The following CFAP54 variants were observed in gnomAD, a reference collection of about 807,000 sequenced individuals.
CFAP54 encodes the protein cilia- and flagella-associated protein 54.
Under a neutral mutation model 370.4 loss-of-function variants are expected in CFAP54, and 290 were observed. The observed-to-expected ratio is 0.78, with a 90% CI of 0.71 to 0.86. The LOEUF is 0.86. CFAP54 is among the 40% of genes least tolerant of loss of function. The pLI, the probability that CFAP54 is intolerant of heterozygous loss-of-function variation, is 0.00. For synonymous variants in CFAP54, 1,206 were observed against 1,236.5 expected (o/e 0.98, Z 0.52); for missense variants, 3,399 against 3,528.7 (o/e 0.96, Z 0.93).
intron 39 of CFAP54, among the ~76,000 whole-genome samples, chr12:96,664,329 G>A (rs1206752852): frequency 6.6e-6 from 1 of 151,916 alleles, no homozygotes; most frequent in Non-Finnish European, 1.5e-5. Flanking sequence ...TCTCTTCTAT[G>A]TGTCCATGTG....
In CFAP54 at chr12:96,626,918, C is replaced by T. The variant is rs145849236; in HGVS notation, c.4082C>T (p.Pro1361Leu). 25 of 1,394,330 alleles carry T rather than the reference C, an allele frequency of 1.8e-5. No individual in the cohort carries two copies. The East Asian group carries it at 6.1e-4, about 34-fold the overall frequency. 86.4% of individuals were successfully genotyped at this position (1,394,330 alleles called of 1,614,324 possible). ...CATCTTATGGTAGAGGTAACAACTC[C>T]TGTCCATGACTTCTTGAAAAGGTAC... is the stretch of plus-strand genomic sequence containing the variant. The part of the protein sequence containing the change: ...KFHLMVEVTT[P>L]VHDFLKRRNE... The change falls in exon 30 of 68, where the codon CCT becomes CTT. Residue 1361 changes from proline (P) to leucine (L), a missense_variant. Physicochemically the swap from Pro to Leu is moderately conservative, Grantham distance 98 (BLOSUM62 -3). This residue lies in a region of CFAP54 where 2,796 missense variants were observed against 2,869.7 expected (regional missense o/e 0.97). Transcript: ENST00000524981.
At chr12:96,823,716 T>G (rs1439846952) in intron 65 of CFAP54, among the ~76,000 whole-genome samples, 7 of 152,106 alleles carry the variant, frequency 4.6e-5, no homozygotes, top group African/African-American at 1.2e-4. Flanking sequence ...TCGTGGCCTA[T>G]AGGAGGAATT....
intron 33 of CFAP54, chr12:96,645,505 G>A (rs144094719): frequency 0.01 from 1,660 of 159,124 alleles, 11 homozygotes; most frequent in Non-Finnish European, 0.015. Flanking sequence ...AATCAATATC[G>A]TGAAAATGGC....
At chr12:96,658,584 C>A (rs1263563385) in intron 38 of CFAP54, among the ~76,000 whole-genome samples, 3 of 151,986 alleles carry the variant, frequency 2.0e-5, no homozygotes, top group African/African-American at 7.2e-5. Flanking sequence ...AGCCATAAAG[C>A]ACAATGGGGA....
intron 65 of CFAP54, among the ~76,000 whole-genome samples, chr12:96,821,702 TAAAAA>T (rs10577712): frequency 3.0e-5 from 4 of 131,902 alleles, no homozygotes; most frequent in Non-Finnish European, 3.2e-5. Context: ...AGCACTTTAT[TAAAAA>T]AAAAAAAAAA....
In CFAP54 at chr12:96,679,681, A is replaced by G. The variant is rs1333274568; in HGVS notation, c.5645A>G (p.Lys1882Arg). ...AGGTGTTTTAGAGAGACACTGGAAAAATCCAAATACCATAACAGATCAATC... is the reference window on the plus strand; with the variant it reads ...AGGTGTTTTAGAGAGACACTGGAAAGATCCAAATACCATAACAGATCAATC... Reference protein sequence around the residue: ...TLRCFRETLEKSKYHNRSIRH... With the variant: ...TLRCFRETLERSKYHNRSIRH... The change falls in exon 40 of 68, where the codon AAA becomes AGA. Residue 1882 changes from lysine (K) to arginine (R), a missense_variant. Lys to Arg is a conservative substitution (Grantham distance 26, BLOSUM62 2). Coordinates refer to ENST00000524981, the MANE Select transcript of CFAP54 (RefSeq NM_001306084.2). 1.7e-5 allele frequency: 28 copies of G among 1,613,938 alleles called. No individual in the cohort carries two copies. Among genetic ancestry groups the G allele is most frequent in the Non-Finnish European group, 2.4e-5 (28 of 1,179,942 alleles).
intron 4 of CFAP54, among the ~76,000 whole-genome samples, chr12:96,510,221 C>G (rs1423851226): frequency 2.0e-5 from 3 of 149,724 alleles, no homozygotes; most frequent in Non-Finnish European, 4.4e-5. Context: ...CCACTTCCCT[C>G]CAGCCTGGGC....
rs1229788592 is a variant in CFAP54, at chr12:96,764,316, AC to A, written c.8139+68del. The A allele has an allele frequency of 3.4e-6, 4 of 1,177,968 alleles. No homozygotes were observed. In the African/African-American group the frequency reaches 6.2e-5, roughly 18 times the overall value. 73.0% of individuals were successfully genotyped at this position (1,177,968 alleles called of 1,614,324 possible). ...TCTGTATTCTCTGCCTTTAAAGAAC[AC>A]AATATACCTGTAAAAGAGAAAGGAG... On this transcript the variant is annotated intron_variant, in intron 59 of 67. Transcript: ENST00000524981.
At chr12:96,525,184 T>G (rs530657075) in intron 8 of CFAP54, among the ~76,000 whole-genome samples, 13 of 152,000 alleles carry the variant, frequency 8.6e-5, no homozygotes, top group African/African-American at 2.9e-4. Context: ...TAATTCAGTT[T>G]TCATAAAATG....
In CFAP54 at chr12:96,752,085, T is replaced by TGAGAGAGAGAGAGAGAGAGAGA. The variant is rs55648812; in HGVS notation, c.7685-1631_7685-1610dup. Among the ~76,000 whole-genome samples, 22 of 90,622 alleles carry TGAGAGAGAGAGAGAGAGAGAGA rather than the reference T, an allele frequency of 2.4e-4. 2 individuals are homozygous for TGAGAGAGAGAGAGAGAGAGAGA. Among genetic ancestry groups the TGAGAGAGAGAGAGAGAGAGAGA allele is most frequent in the Non-Finnish European group, 2.9e-4 (13 of 44,538 alleles). The allele number at this position is 90,622 out of a possible 152,430, so 59.5% of individuals were successfully genotyped here. ...AAGGACTCAGTAACTTCTTCCTGGA[T>TGAGAGAGAGAGAGAGAGAGAGA]GAGAGAGAGAGAGAGAGAGAGAGAG... On this transcript the variant is annotated intron_variant, in intron 55 of 67. Transcript: ENST00000524981.
chr12:96,497,405 C>T (rs184619119), intron 1 of CFAP54, among the ~76,000 whole-genome samples: 1 of 152,114 alleles, frequency 6.6e-6, no homozygotes, highest in Non-Finnish European at 1.5e-5. Flanking sequence ...CTACAGTATT[C>T]AAGATAGTGT....
chr12:96,545,036 C>T (rs950561462), intron 14 of CFAP54, among the ~76,000 whole-genome samples: 7 of 152,022 alleles, frequency 4.6e-5, no homozygotes, highest in African/African-American at 9.7e-5. Flanking sequence ...CTCAGCCTCC[C>T]GAGTAGCTGG....
chr12:96,788,769 A>C (rs1310533320), intron 62 of CFAP54, among the ~76,000 whole-genome samples: 2 of 152,176 alleles, frequency 1.3e-5, no homozygotes, highest in African/African-American at 2.4e-5. Flanking sequence ...AAAACCTATT[A>C]AGATATTTTT....
chr12:96,597,870 G>C (rs1280354513), intron 25 of CFAP54, among the ~76,000 whole-genome samples: 1 of 151,682 alleles, frequency 6.6e-6, no homozygotes, highest in African/African-American at 2.4e-5. Flanking sequence ...AAACTACTAG[G>C]GTGTTCACAT....
chr12:96,745,644 A>G (rs1214582997), intron 55 of CFAP54, among the ~76,000 whole-genome samples: 2 of 152,034 alleles, frequency 1.3e-5, no homozygotes, highest in Non-Finnish European at 2.9e-5. Flanking sequence ...TTCTGATGAT[A>G]GTTTCTTTTG....
Position 96,753,875 on chromosome 12 carries a change from A to G in CFAP54, c.7817A>G (p.Glu2606Gly). 4 of 1,613,900 alleles carry G rather than the reference A, an allele frequency of 2.5e-6. No individual in the cohort carries two copies. The South Asian group carries it at 4.4e-5, about 18-fold the overall frequency. ...RTTAVEEHEV[E>G]AEILFQKGKI... ...ACAGCAGTGGAGGAACATGAGGTGG[A>G]AGCTGAAATCCTTTTTCAGAAAGGT... Residue 2606 changes from glutamate to glycine, a missense_variant, in exon 56 of 68, where the codon GAA becomes GGA. Coordinates refer to ENST00000524981, the MANE Select transcript of CFAP54 (RefSeq NM_001306084.2).
chr12:96,582,731 A>G (rs1956043468), intron 22 of CFAP54, among the ~76,000 whole-genome samples: 1 of 152,146 alleles, frequency 6.6e-6, no homozygotes, highest in Admixed American at 6.5e-5. Context: ...TCAGAGCTAT[A>G]CTGCTGGGAT....
chr12:96,771,648 C>T (rs562740968), intron 60 of CFAP54, among the ~76,000 whole-genome samples: 11 of 152,050 alleles, frequency 7.2e-5, no homozygotes, highest in South Asian at 2.1e-4. Context: ...CGAGACTCCG[C>T]CTCAAAAACA....
chr12:96,640,015 G>A (rs1956706503), intron 32 of CFAP54, among the ~76,000 whole-genome samples: 1 of 152,100 alleles, frequency 6.6e-6, no homozygotes, highest in South Asian at 2.1e-4. Context: ...TTGAAAACTG[G>A]CACAAGACAA....
Sources: allele counts gnomAD v4.1 joint callset (sites outside exome capture counted in the v4.1 genomes callset), GRCh38; gene constraint gnomAD v4.1.1; regional missense constraint gnomAD v4.1.1; transcripts MANE v1.5; gene names NCBI Gene and HGNC (gene_info 2026-07-23, HGNC 2026-07-21).